FLVCR1: variants seen among roughly 807,000 people sequenced by gnomAD.
FLVCR1 encodes the protein choline/ethanolamine transporter FLVCR1.
Under a neutral mutation model 53.6 loss-of-function variants are expected in FLVCR1, and 34 were observed. The ratio of observed to expected loss-of-function variants is 0.63; its 90% confidence interval spans 0.48 to 0.84. FLVCR1 has a LOEUF of 0.84. FLVCR1 is among the 40% of genes least tolerant of loss of function. The pLI is 0.00. For synonymous variants in FLVCR1, 300 were observed against 286.3 expected, an observed-to-expected ratio of 1.05 and a Z score of -0.48; for missense variants, 677 against 696.7, an observed-to-expected ratio of 0.97 and a Z score of 0.32.
Position 212,873,905 on chromosome 1 carries a change from A to T in FLVCR1, c.1024+1087A>T, listed in dbSNP as rs183757287. Among the ~76,000 whole-genome samples the T allele has an allele frequency of 3.9e-5, 6 of 152,318 alleles. No homozygotes were observed. In the East Asian group the frequency reaches 1.2e-3, roughly 29 times the overall value. On this transcript the variant is annotated intron_variant, in intron 3 of 9. Transcript: ENST00000366971. ...GCTAATCACCAAAGTTGAACATTTA[A>T]TCTAATTCCTATATACCCATATCCT...
intron 3 of FLVCR1, among the ~76,000 whole-genome samples, chr1:212,876,288 T>C (rs1319462341): frequency 6.6e-6 from 1 of 152,146 alleles, no homozygotes; most frequent in African/African-American, 2.4e-5. Flanking sequence ...CATGTTGTGG[T>C]TGGTTTTCTG....
At chr1:212,872,168 G>T (rs1250903959) in intron 2 of FLVCR1, among the ~76,000 whole-genome samples, 1 of 151,890 alleles carries the variant, frequency 6.6e-6, no homozygotes, top group Non-Finnish European at 1.5e-5. Context: ...AGGCTGGAGT[G>T]CAATGGCGCA....
At chr1:212,859,376 A>G (rs1664148900) in intron 1 of FLVCR1, among the ~76,000 whole-genome samples, 186 bp downstream of exon 1, 2 of 152,202 alleles carry the variant, frequency 1.3e-5, no homozygotes, top group Non-Finnish European at 2.9e-5. Context: ...TTGTAAGGAC[A>G]AAATTTTCCA....
In FLVCR1 at chr1:212,871,056, C is replaced by A. The variant is rs1664581194; in HGVS notation, c.884-1622C>A. On this transcript the variant is annotated intron_variant, in intron 2 of 9. Transcript: ENST00000366971. ...AAGTGCTGGGATTACAGGTGTGAGC[C>A]ACTGTGCCGGGCTTCTTTTTTCTTT... is the stretch of plus-strand genomic sequence containing the variant. 2.6e-5 allele frequency among the ~76,000 whole-genome samples: 4 copies of A among 152,174 alleles called. No individual in the cohort carries two copies. The South Asian group carries it at 8.3e-4, about 31-fold the overall frequency.
rs1490064621 is a variant in FLVCR1 at position 212,898,279 on chromosome 1, C to G, written c.*2989C>G. On this transcript the variant is annotated 3_prime_UTR_variant, in exon 10 of 10. Transcript: ENST00000366971. ...AAATGTGATTGCTACCTTATGGATA[C>G]AACGGACTTTTACATTTCTTTTTAG... The G allele has an allele frequency of 6.6e-6, 1 of 152,196 alleles. No individual in the cohort carries two copies. The highest frequency in any genetic ancestry group is 1.5e-5 in the Non-Finnish European group (1 of 68,032). The allele number at this position is 152,196 out of a possible 1,614,324, so 9.4% of individuals were successfully genotyped here.
At chr1:212,869,118 T>C (rs1279939493) in intron 2 of FLVCR1, among the ~76,000 whole-genome samples, 1 of 152,172 alleles carries the variant, frequency 6.6e-6, no homozygotes, top group East Asian at 1.9e-4. Context: ...TAAACAGCAA[T>C]AGATTTGCAA....
At chr1:212,885,110 T>C (rs1398653462) in intron 4 of FLVCR1, among the ~76,000 whole-genome samples, 183 bp from the exon 5 acceptor site, 1 of 152,246 alleles carries the variant, frequency 6.6e-6, no homozygotes, top group East Asian at 1.9e-4. Flanking sequence ...TTTTAAAATA[T>C]AATGCTTTTA....
At chr1:212,888,269 G>T (rs185717659) in intron 6 of FLVCR1, among the ~76,000 whole-genome samples, 1 of 152,240 alleles carries the variant, frequency 6.6e-6, no homozygotes, top group African/African-American at 2.4e-5. Flanking sequence ...TATAAAACTA[G>T]AAGTAAATTT....
intron 8 of FLVCR1, among the ~76,000 whole-genome samples, chr1:212,892,021 T>G (rs1210576750): frequency 6.6e-6 from 1 of 152,202 alleles, no homozygotes; most frequent in Non-Finnish European, 1.5e-5. Flanking sequence ...TGTCCAATTC[T>G]GTGAACGTTG....
In FLVCR1 at chr1:212,858,501, C is replaced by T. The variant is rs543847452; in HGVS notation, c.49C>T (p.Pro17Ser). The change falls in exon 1 of 10, where the codon CCG (proline) becomes TCG (serine). Residue 17 changes from proline to serine, a missense_variant. Coordinates refer to ENST00000366971, the MANE Select transcript of FLVCR1 (RefSeq NM_014053.4). ...GGGGGCGGCGGTGGCGCCCGGACAC[C>T]CGCTCGCGAAAGGATACCTCCCGTT... ...EEGAAVAPGH[P>S]LAKGYLPLPR... is the part of the protein sequence containing the mutation. 6.9e-7 allele frequency: 1 copy of T among 1,447,380 alleles called. No homozygotes were observed. The highest frequency in any genetic ancestry group is 9.1e-7 in the Non-Finnish European group (1 of 1,103,654). 89.7% of individuals were successfully genotyped at this position (1,447,380 alleles called of 1,614,324 possible). A position where few individuals can be genotyped will look rare whatever the true frequency, so the allele number is the denominator to read the frequency against.
chr1:212,889,220 T>A lies in FLVCR1; in HGVS notation c.1488T>A (p.Phe496Leu). The A allele has an allele frequency of 3.1e-6, 5 of 1,613,828 alleles. No homozygotes were observed. The highest frequency in any genetic ancestry group is 4.2e-6 in the Non-Finnish European group (5 of 1,179,770). The stretch of plus-strand genomic sequence containing the variant: ...ATGGTCCTAAGGCAGGGAACATTTT[T>A]CTCTGTGTCTGGATGTTTATAGGCA... ...SDYGPKAGNIFLCVWMFIGII... is the reference protein window; with the variant it reads ...SDYGPKAGNILLCVWMFIGII... Residue 496 changes from phenylalanine (F) to leucine (L), a missense_variant, in exon 8 of 10, where the codon TTT becomes TTA. Coordinates refer to ENST00000366971, the MANE Select transcript of FLVCR1 (RefSeq NM_014053.4).
chr1:212,866,160 T>C (rs1014518967), intron 2 of FLVCR1, among the ~76,000 whole-genome samples: 1 of 152,100 alleles, frequency 6.6e-6, no homozygotes, highest in African/African-American at 2.4e-5. Context: ...AATTTTTGTA[T>C]TTTTAGTAGA....
chr1:212,871,502 G>GTGAAGCGATCC (rs1473272313), intron 2 of FLVCR1, among the ~76,000 whole-genome samples: 1 of 152,082 alleles, frequency 6.6e-6, no homozygotes, highest in South Asian at 2.1e-4. Context: ...CCTGGGCTCA[G>GTGAAGCGATCC]TGAAGCGATC....
intron 8 of FLVCR1, among the ~76,000 whole-genome samples, chr1:212,891,939 G>T (rs1374809787): frequency 6.6e-6 from 1 of 152,152 alleles, no homozygotes; most frequent in African/African-American, 2.4e-5. Flanking sequence ...AAGTTTGAGT[G>T]GTCTTGTTAG....
chr1:212,864,595 A>G (rs1289259455), intron 2 of FLVCR1: 1 of 152,326 alleles, frequency 6.6e-6, no homozygotes, highest in Non-Finnish European at 1.5e-5. Context: ...TTATTTAAGT[A>G]ATATAGCTGC....
chr1:212,881,215 G>A (rs1664916910), intron 3 of FLVCR1, among the ~76,000 whole-genome samples: 1 of 150,796 alleles, frequency 6.6e-6, no homozygotes, highest in Non-Finnish European at 1.5e-5. Context: ...AATTATAGTA[G>A]AGACCAAAGA....
In FLVCR1 at chr1:212,858,296, G is replaced by A; in HGVS notation, c.-157G>A. The A allele has an allele frequency of 1.4e-6, 1 of 725,180 alleles. No individual in the cohort carries two copies. The highest frequency in any genetic ancestry group is 2.1e-6 in the Non-Finnish European group (1 of 467,234). 44.9% of individuals were successfully genotyped at this position (725,180 alleles called of 1,614,324 possible). Reference sequence around the variant, plus strand: ...GAGGAGACCTTCATCTGTTCACGCGGTAGCGCGGATTGCGGTTCGCGGCGC... The same window carrying A: ...GAGGAGACCTTCATCTGTTCACGCGATAGCGCGGATTGCGGTTCGCGGCGC... On this transcript the variant is annotated 5_prime_UTR_variant, in exon 1 of 10. Transcript: ENST00000366971.
chr1:212,870,700 T>C (rs1233895392), intron 2 of FLVCR1, among the ~76,000 whole-genome samples: 3 of 151,884 alleles, frequency 2.0e-5, no homozygotes, highest in African/African-American at 7.3e-5. Flanking sequence ...AATCCTAATT[T>C]CTAAAAAAAA....
chr1:212,894,190 A>G (rs1282124868), intron 8 of FLVCR1, among the ~76,000 whole-genome samples: 1 of 151,946 alleles, frequency 6.6e-6, no homozygotes, highest in Admixed American at 6.6e-5. Context: ...TATGCACTGG[A>G]AAACCAAAAA....
Sources: allele counts gnomAD v4.1 joint callset (sites outside exome capture counted in the v4.1 genomes callset), GRCh38; gene constraint gnomAD v4.1.1; transcripts MANE v1.5; gene names NCBI Gene and HGNC (gene_info 2026-07-23, HGNC 2026-07-21).